Variants in KLHL1 observed in about 807,000 individuals in gnomAD.
The protein encoded by KLHL1 is kelch-like protein 1.
KLHL1 carries 47 observed loss-of-function variants against 77.7 expected under a neutral mutation model. The observed-to-expected ratio is 0.60, with a 90% CI of 0.48 to 0.77. The LOEUF is 0.77. Among genes scored for constraint, KLHL1 ranks in the 30% least tolerant of loss-of-function variants. KLHL1 has a pLI of 0.00. For missense variants in KLHL1, 925 were observed against 910.8 expected (o/e 1.02, Z -0.20); for synonymous variants, 360 against 325.2 (o/e 1.11, Z -1.15).
chr13:69,867,229 T>C (rs1268933972), intron 5 of KLHL1, among the ~76,000 whole-genome samples: 1 of 152,102 alleles, frequency 6.6e-6, no homozygotes, highest in East Asian at 1.9e-4. Context: ...TTTGAGAAAA[T>C]AATATGTACT....
chr13:69,904,586 T>G (rs989535586), intron 4 of KLHL1, among the ~76,000 whole-genome samples: 2 of 152,200 alleles, frequency 1.3e-5, no homozygotes, highest in African/African-American at 4.8e-5. Context: ...CTCATTTTTA[T>G]ACATGCTATT....
chr13:69,719,474 C>T lies in KLHL1; in HGVS notation c.1910G>A (p.Arg637Lys). 6.2e-7 allele frequency: 1 copy of T among 1,613,570 alleles called. No homozygotes were observed. Among genetic ancestry groups the T allele is most frequent in the Non-Finnish European group, 8.5e-7 (1 of 1,179,724 alleles). ...ACATGTGGCCACTCCGACACCCCCT[C>T]TCCTCTTACACATGGGAGCACACAT... ...WNMCAPMCKR[R>K]GGVGVATCDG... The change falls in exon 9 of 11, where the codon AGA becomes AAA. Residue 637 changes from arginine (R) to lysine (K), a missense_variant. By Grantham distance (26) the Arg-to-Lys change is conservative. Transcript: ENST00000377844.
intron 1 of KLHL1, among the ~76,000 whole-genome samples, chr13:70,054,896 T>A (rs1318361275): frequency 6.6e-6 from 1 of 150,426 alleles, no homozygotes; most frequent in African/African-American, 2.4e-5. Context: ...AAGAAAAAAA[T>A]AATGAAAAAA....
chr13:70,051,205 A>T (rs1348308100), intron 1 of KLHL1, among the ~76,000 whole-genome samples: 1 of 152,040 alleles, frequency 6.6e-6, no homozygotes, highest in Non-Finnish European at 1.5e-5. Flanking sequence ...ATATTGTATA[A>T]TGTTGAGATT....
intron 7 of KLHL1, among the ~76,000 whole-genome samples, chr13:69,780,723 T>TATAC (rs1876126329): frequency 8.1e-5 from 5 of 61,566 alleles, no homozygotes; most frequent in African/African-American, 2.4e-4. Flanking sequence ...TATGTATATA[T>TATAC]ATATATATAC....
chr13:69,870,242 A>G (rs1880527556), intron 5 of KLHL1, among the ~76,000 whole-genome samples: 1 of 152,152 alleles, frequency 6.6e-6, no homozygotes, highest in Non-Finnish European at 1.5e-5. Context: ...CAGCTGGTGC[A>G]GAGATCACAC....
At chr13:69,837,418 C>A (rs1049012471) in intron 6 of KLHL1, among the ~76,000 whole-genome samples, 1 of 151,070 alleles carries the variant, frequency 6.6e-6, no homozygotes, top group Non-Finnish European at 1.5e-5. Flanking sequence ...TTCACACACA[C>A]AATGTAAGTA....
At chr13:69,984,108 T>G (rs1884798444) in intron 1 of KLHL1, among the ~76,000 whole-genome samples, 1 of 152,260 alleles carries the variant, frequency 6.6e-6, no homozygotes, top group Non-Finnish European at 1.5e-5. Flanking sequence ...AGGACTTTTT[T>G]GGATGAGATC....
chr13:69,897,653 G>A (rs1881696478), intron 4 of KLHL1, among the ~76,000 whole-genome samples: 1 of 152,116 alleles, frequency 6.6e-6, no homozygotes, highest in Non-Finnish European at 1.5e-5. Flanking sequence ...GGAAAGGCAG[G>A]CTGTCAGAGG....
chr13:69,788,528 G>C (rs2138021347), intron 7 of KLHL1, among the ~76,000 whole-genome samples: 1 of 152,180 alleles, frequency 6.6e-6, no homozygotes, highest in South Asian at 2.1e-4. Context: ...AGGGGAGGTG[G>C]GAGGGATAGC....
chr13:69,711,839 C>T (rs966594482), intron 9 of KLHL1, among the ~76,000 whole-genome samples: 1 of 152,128 alleles, frequency 6.6e-6, no homozygotes, highest in Non-Finnish European at 1.5e-5. Flanking sequence ...GTGTAATGAG[C>T]ATGTCAGTTG....
intron 1 of KLHL1, among the ~76,000 whole-genome samples, chr13:70,105,764 A>G (rs1888039532): frequency 6.6e-6 from 1 of 151,092 alleles, no homozygotes; most frequent in Non-Finnish European, 1.5e-5. Flanking sequence ...TTATAACTTC[A>G]TAGTATTCAT....
intron 2 of KLHL1, among the ~76,000 whole-genome samples, chr13:69,967,657 G>C (rs1884253693): frequency 6.6e-6 from 1 of 152,130 alleles, no homozygotes; most frequent in African/African-American, 2.4e-5. Flanking sequence ...GGAGGTGGCT[G>C]GTGGATCACT....
chr13:69,984,065 T>C (rs1884796581), intron 1 of KLHL1, among the ~76,000 whole-genome samples: 1 of 152,014 alleles, frequency 6.6e-6, no homozygotes, highest in South Asian at 2.1e-4. Context: ...GAGGTAAACA[T>C]AGGGAAAATG....
intron 9 of KLHL1, among the ~76,000 whole-genome samples, chr13:69,715,525 AT>A (rs74759894): frequency 0.13 from 17,445 of 132,244 alleles, 1,667 homozygotes; most frequent in African/African-American, 0.32. Context: ...TTTATTATTT[AT>A]TTTTTTTTTT....
chr13:69,735,835 T>C (rs1566195855), intron 8 of KLHL1, among the ~76,000 whole-genome samples: 1 of 151,912 alleles, frequency 6.6e-6, no homozygotes, highest in South Asian at 2.1e-4. Flanking sequence ...GAAAAATGTA[T>C]ACCAAAGTTT....
chr13:69,716,263 G>A (rs905767928), intron 9 of KLHL1, among the ~76,000 whole-genome samples: 4 of 151,946 alleles, frequency 2.6e-5, no homozygotes, highest in African/African-American at 7.2e-5. Context: ...AAATATTGAG[G>A]TTCATTTTTC....
At chr13:69,925,991 G>A (rs1332399342) in intron 4 of KLHL1, among the ~76,000 whole-genome samples, 1 of 152,164 alleles carries the variant, frequency 6.6e-6, no homozygotes, top group African/African-American at 2.4e-5. Flanking sequence ...CAATACATAT[G>A]CATTCACTAA....
intron 1 of KLHL1, among the ~76,000 whole-genome samples, chr13:70,083,094 T>C (rs1014097339): frequency 3.9e-5 from 6 of 152,038 alleles, no homozygotes; most frequent in Non-Finnish European, 5.9e-5. Context: ...TAAAGGAACT[T>C]CCCAAAGGTG....
Sources: gnomAD v4.1 joint callset for allele counts (sites outside exome capture counted in the v4.1 genomes callset) on GRCh38, gnomAD v4.1.1 for gene constraint, MANE v1.5 for transcripts, NCBI Gene and HGNC (gene_info 2026-07-23, HGNC 2026-07-21) for gene names.